SLC38A1: variants seen among roughly 807,000 people sequenced by gnomAD.
SLC38A1 encodes solute carrier family 38 member 1.
Under a neutral mutation model 60.3 loss-of-function variants are expected in SLC38A1, and 18 were observed. The observed-to-expected ratio is 0.30, with a 90% CI of 0.21 to 0.44. The LOEUF is 0.44. Ranked by LOEUF, SLC38A1 falls within the 20% of genes least tolerant of loss-of-function variation. The pLI, the probability that SLC38A1 is intolerant of heterozygous loss-of-function variation, is 1.00. For synonymous variants in SLC38A1, 196 were observed against 212.1 expected (o/e 0.92, Z 0.66); for missense variants, 448 against 587.2 (o/e 0.76, Z 2.45).
At chr12:46,248,018 A>G (rs561224480) in intron 1 of SLC38A1, among the ~76,000 whole-genome samples, 1 of 152,362 alleles carries the variant, frequency 6.6e-6, no homozygotes, top group South Asian at 2.1e-4. Context: ...CCTGCCATAC[A>G]AGAGCTCCTG....
chr12:46,256,118 A>G (rs1942012227), intron 1 of SLC38A1, among the ~76,000 whole-genome samples: 2 of 150,322 alleles, frequency 1.3e-5, no homozygotes, highest in African/African-American at 4.9e-5. Flanking sequence ...GTGAATCGAG[A>G]TCACGCCACT....
At chr12:46,225,929 T>C (rs1256019656) in intron 5 of SLC38A1, among the ~76,000 whole-genome samples, 1 of 152,104 alleles carries the variant, frequency 6.6e-6, no homozygotes, top group African/African-American at 2.4e-5. Context: ...AATGGGAAAA[T>C]ATAAATTAAA....
intron 5 of SLC38A1, among the ~76,000 whole-genome samples, chr12:46,224,178 CA>C (rs1237176788): frequency 6.6e-6 from 1 of 152,142 alleles, no homozygotes; most frequent in Non-Finnish European, 1.5e-5. Context: ...AACAGCTCAA[CA>C]AGTACTCTTT....
chr12:46,229,101 C>A, intron 5 of SLC38A1, 52 bp downstream of exon 5: 1 of 1,018,854 alleles, frequency 9.8e-7, no homozygotes. Flanking sequence ...ATAACAGAAA[C>A]ATACAAAAAG....
In SLC38A1 at chr12:46,188,787, T is replaced by A. The variant is rs768335240; in HGVS notation, c.*183A>T. 8.3e-6 allele frequency: 4 copies of A among 480,860 alleles called. No individual in the cohort carries two copies. Among genetic ancestry groups the A allele is most frequent in the Non-Finnish European group, 1.5e-5 (4 of 268,642 alleles). The allele number at this position is 480,860 out of a possible 1,614,324, so 29.8% of individuals were successfully genotyped here. ...CAATCCCTAAATTGATCTCAAATCT[T>A]GGAGGGACATGAAGCATTATAGAAC... On this transcript the variant is annotated 3_prime_UTR_variant, in exon 17 of 17. Transcript: ENST00000398637.
chr12:46,199,692 A>G (rs1487602396), intron 13 of SLC38A1, among the ~76,000 whole-genome samples: 1 of 152,052 alleles, frequency 6.6e-6, no homozygotes, highest in Non-Finnish European at 1.5e-5. Flanking sequence ...CTCAATCCAG[A>G]ACTTCAGAAA....
At chr12:46,248,980 C>T (rs1295816059) in intron 1 of SLC38A1, among the ~76,000 whole-genome samples, 2 of 151,876 alleles carry the variant, frequency 1.3e-5, no homozygotes, top group Admixed American at 6.6e-5. Flanking sequence ...CACATTGAAA[C>T]CCCGTCTCTA....
At chr12:46,203,209 G>A (rs1234347779) in intron 11 of SLC38A1, 120 bp from the exon 12 acceptor site, 7 of 812,504 alleles carry the variant, frequency 8.6e-6, no homozygotes, top group Admixed American at 2.7e-5. Flanking sequence ...GGATTATTCG[G>A]TTATTAGGGA....
chr12:46,194,753 C>T (rs888917732), intron 16 of SLC38A1, among the ~76,000 whole-genome samples: 2 of 152,134 alleles, frequency 1.3e-5, no homozygotes, highest in Non-Finnish European at 2.9e-5. Context: ...TCTCGAAGTT[C>T]TTGTGCTGTG....
chr12:46,233,667 T>C (rs1282984453), intron 3 of SLC38A1, among the ~76,000 whole-genome samples: 1 of 152,202 alleles, frequency 6.6e-6, no homozygotes, highest in Non-Finnish European at 1.5e-5. Context: ...TGCCAGCTGT[T>C]TCCTGCAGAA....
intron 3 of SLC38A1, chr12:46,239,075 T>A (rs1565784021): frequency 2.0e-5 from 3 of 152,348 alleles, no homozygotes; most frequent in Admixed American, 2.0e-4. Context: ...AGTAGTCTGT[T>A]TAATTCATAA....
intron 3 of SLC38A1, among the ~76,000 whole-genome samples, chr12:46,230,144 C>A (rs1941017377): frequency 1.3e-5 from 2 of 152,142 alleles, no homozygotes; most frequent in South Asian, 4.1e-4. Context: ...AGCTCAGGTT[C>A]TTGGACTACA....
chr12:46,246,645 A>C (rs974641074), intron 1 of SLC38A1, among the ~76,000 whole-genome samples: 1 of 152,238 alleles, frequency 6.6e-6, no homozygotes, highest in African/African-American at 2.4e-5. Flanking sequence ...ACAGCTCTGA[A>C]GGGAGCAGTG....
intron 16 of SLC38A1, among the ~76,000 whole-genome samples, chr12:46,192,096 A>G (rs1038291981): frequency 5.3e-5 from 8 of 152,206 alleles, no homozygotes; most frequent in African/African-American, 1.9e-4. Context: ...TATTATTTTG[A>G]GATATGTTCC....
chr12:46,211,005 A>G (rs1346210175), intron 5 of SLC38A1, among the ~76,000 whole-genome samples: 4 of 152,212 alleles, frequency 2.6e-5, no homozygotes, highest in Admixed American at 2.6e-4. Context: ...ACGTAATGGA[A>G]CAGGATTTGA....
intron 16 of SLC38A1, among the ~76,000 whole-genome samples, chr12:46,195,348 C>G (rs546362109): frequency 6.6e-6 from 1 of 152,318 alleles, no homozygotes; most frequent in East Asian, 1.9e-4. Context: ...TTTGAGGTAT[C>G]TCTCAGCCCC....
chr12:46,199,125 G>A (rs886687275), intron 13 of SLC38A1, among the ~76,000 whole-genome samples: 2 of 152,060 alleles, frequency 1.3e-5, no homozygotes, highest in Non-Finnish European at 2.9e-5. Context: ...TGCTCAGGGA[G>A]GGGGTGGGGT....
At chr12:46,205,148 A>G (rs1305159359) in intron 9 of SLC38A1, among the ~76,000 whole-genome samples, 1 of 152,148 alleles carries the variant, frequency 6.6e-6, no homozygotes, top group Non-Finnish European at 1.5e-5. Flanking sequence ...TCCAATTGCT[A>G]CCATGACCTC....
chr12:46,261,717 G>A (rs1217873057), intron 1 of SLC38A1, among the ~76,000 whole-genome samples: 1 of 152,142 alleles, frequency 6.6e-6, no homozygotes, highest in Non-Finnish European at 1.5e-5. Flanking sequence ...CTATATAAAC[G>A]GAAGGTATTT....
Sources: allele counts gnomAD v4.1 joint callset (sites outside exome capture counted in the v4.1 genomes callset), GRCh38; gene constraint gnomAD v4.1.1; transcripts MANE v1.5; gene names NCBI Gene and HGNC (gene_info 2026-07-23, HGNC 2026-07-21).